The following LMOD1 variants were observed in gnomAD, a reference collection of about 807,000 sequenced individuals.
LMOD1 encodes the protein leiomodin 1.
LMOD1 carries 8 observed loss-of-function variants against 36.5 expected under a neutral mutation model. The ratio of observed to expected loss-of-function variants is 0.22; its 90% CI spans 0.13 to 0.40. The LOEUF (loss-of-function observed/expected upper bound fraction) is 0.40, where lower values mean the gene tolerates loss of function less well. Among genes scored for constraint, LMOD1 ranks in the 10% least tolerant of loss-of-function variants. LMOD1 has a pLI of 1.00. For missense variants in LMOD1, 630 were observed against 751.1 expected (o/e 0.84, Z 1.88); for synonymous variants, 284 against 288.7 (o/e 0.98, Z 0.17).
chr1:201,901,511 A>AATATATATATATATATATATGT (rs1553295627), intron 1 of LMOD1, among the ~76,000 whole-genome samples: 1 of 75,226 alleles, frequency 1.3e-5, no homozygotes, highest in Non-Finnish European at 2.3e-5. Context: ...TCAAAAAAAA[A>AATATATATATATATATATATGT]ATATATATAT....
intron 1 of LMOD1, among the ~76,000 whole-genome samples, chr1:201,901,954 GTTA>G (rs201603952): frequency 4.2e-4 from 42 of 100,542 alleles, no homozygotes; most frequent in Admixed American, 6.4e-4. Context: ...CATTATTATT[GTTA>G]TTATTATTAT....
intron 2 of LMOD1, 95 bp from the exon 3 acceptor site, chr1:201,898,493 A>T (rs138036710): frequency 1.8e-6 from 2 of 1,090,808 alleles, no homozygotes; most frequent in African/African-American, 1.6e-5. Flanking sequence ...GCAATATGTT[A>T]TGTCTGTGGA....
intron 1 of LMOD1, among the ~76,000 whole-genome samples, chr1:201,909,229 G>T (rs1456196641): frequency 6.6e-6 from 1 of 152,128 alleles, no homozygotes; most frequent in African/African-American, 2.4e-5. Flanking sequence ...CAACCCACTT[G>T]TGAGTGTGTG....
At chr1:201,901,623 TG>T (rs1681320894) in intron 1 of LMOD1, among the ~76,000 whole-genome samples, 2 of 9,448 alleles carry the variant, frequency 2.1e-4, no homozygotes, top group African/African-American at 3.9e-4. Context: ...CATATATATG[TG>T]TGTGTGTATA....
intron 1 of LMOD1, among the ~76,000 whole-genome samples, chr1:201,924,812 G>T (rs1352722306): frequency 1.3e-5 from 2 of 152,210 alleles, no homozygotes; most frequent in African/African-American, 4.8e-5. Context: ...ATGAAGCCAG[G>T]AGTTCAAGGC....
At chr1:201,908,605 G>A (rs761229323) in intron 1 of LMOD1, among the ~76,000 whole-genome samples, 2 of 152,040 alleles carry the variant, frequency 1.3e-5, no homozygotes, top group Non-Finnish European at 2.9e-5. Context: ...ATGTTGTGGG[G>A]GTGCTACAGG....
intron 1 of LMOD1, among the ~76,000 whole-genome samples, chr1:201,919,299 G>A (rs886833092): frequency 4.6e-5 from 7 of 151,960 alleles, no homozygotes; most frequent in African/African-American, 1.7e-4. Flanking sequence ...CCGCCTCCTG[G>A]GTTCAAGCAA....
chr1:201,928,231 A>G (rs547146759), intron 1 of LMOD1, among the ~76,000 whole-genome samples: 1 of 152,336 alleles, frequency 6.6e-6, no homozygotes, highest in Admixed American at 6.5e-5. Flanking sequence ...TAGCAGCACA[A>G]AATGGACTAA....
Position 201,942,598 on chromosome 1 carries a change from G to C in LMOD1, c.261+3482C>G, listed in dbSNP as rs192476959. The stretch of plus-strand genomic sequence containing the variant: ...GCACAATAGCCAGAGTATGCATCTT[G>C]GGGCTGTCCTTCTGGGGAAAAGACA... On this transcript the variant is annotated intron_variant, in intron 1 of 2. Coordinates refer to ENST00000367288, the MANE Select transcript of LMOD1 (RefSeq NM_012134.3). 1.4e-4 allele frequency among the ~76,000 whole-genome samples: 22 copies of C among 152,192 alleles called. No individual in the cohort carries two copies. In the East Asian group the frequency reaches 4.2e-3, roughly 29 times the overall value.
At chr1:201,935,388 TC>T (rs1272200913) in intron 1 of LMOD1, among the ~76,000 whole-genome samples, 1 of 114,166 alleles carries the variant, frequency 8.8e-6, no homozygotes, top group Non-Finnish European at 2.0e-5. Context: ...CCCTTGGGGG[TC>T]TACTAAGCAC....
At position 201,913,062 on chromosome 1, in the gene LMOD1, G is replaced by A. The variant is rs1268935253; in HGVS notation, c.262-12311C>T. Reference sequence around the variant, plus strand: ...CTGCCCACCACTGACGTTCCCTAAAGGAATGTAGTAAACAAGGAGAAGCCC... The same window carrying A: ...CTGCCCACCACTGACGTTCCCTAAAAGAATGTAGTAAACAAGGAGAAGCCC... On this transcript the variant is annotated intron_variant, in intron 1 of 2. Transcript: ENST00000367288. 2.0e-5 allele frequency among the ~76,000 whole-genome samples: 3 copies of A among 152,138 alleles called. No individual in the cohort carries two copies. The East Asian group carries it at 5.8e-4, about 29-fold the overall frequency.
At chr1:201,901,247 G>A (rs1442171293) in intron 1 of LMOD1, among the ~76,000 whole-genome samples, 1 of 151,870 alleles carries the variant, frequency 6.6e-6, no homozygotes, top group Non-Finnish European at 1.5e-5. Flanking sequence ...GCTCATGCCT[G>A]TAATCCCAAC....
At chr1:201,942,214 G>A (rs1215158555) in intron 1 of LMOD1, among the ~76,000 whole-genome samples, 1 of 152,200 alleles carries the variant, frequency 6.6e-6, no homozygotes, top group African/African-American at 2.4e-5. Context: ...CTGAAGGCCT[G>A]CTGTGTGCTG....
At chr1:201,931,686 AAT>A (rs769522291) in intron 1 of LMOD1, among the ~76,000 whole-genome samples, 11 of 152,168 alleles carry the variant, frequency 7.2e-5, no homozygotes, top group Non-Finnish European at 1.0e-4. Flanking sequence ...GTCTCCACGA[AAT>A]ATGAGGCTAG....
At chr1:201,919,676 C>A (rs1681668188) in intron 1 of LMOD1, among the ~76,000 whole-genome samples, 1 of 152,216 alleles carries the variant, frequency 6.6e-6, no homozygotes, top group Non-Finnish European at 1.5e-5. Context: ...ATCTGTTAGA[C>A]TAAGCCTGCC....
chr1:201,944,843 C>T (rs565757400), intron 1 of LMOD1, among the ~76,000 whole-genome samples: 67 of 152,100 alleles, frequency 4.4e-4, no homozygotes, highest in Non-Finnish European at 8.5e-4. Context: ...GGGCTGTGTC[C>T]ACCAATATGC....
chr1:201,946,371 C>T lies in LMOD1; in HGVS notation c.-31G>A, dbSNP rs762794426. On this transcript the variant is annotated 5_prime_UTR_variant, in exon 1 of 3. Coordinates refer to ENST00000367288, the MANE Select transcript of LMOD1 (RefSeq NM_012134.3). Reference sequence around the variant, plus strand: ...CAAAATGGGCTGTGGCTGCCAGGGGCTATCAGAGTCCTGGTGGGCAGGGAA... The same window carrying T: ...CAAAATGGGCTGTGGCTGCCAGGGGTTATCAGAGTCCTGGTGGGCAGGGAA... 6.2e-7 allele frequency: 1 copy of T among 1,606,070 alleles called. No homozygotes were observed. Among genetic ancestry groups the T allele is most frequent in the Admixed American group, 1.7e-5 (1 of 59,664 alleles).
At position 201,921,704 on chromosome 1, in the gene LMOD1, T is replaced by G. The variant is rs1484742771; in HGVS notation, c.262-20953A>C. ...GGCCGGATGCAGTGGCTCATGCCTA[T>G]AATCCCAGCACTTTGGGAGGCTGAG... On this transcript the variant is annotated intron_variant, in intron 1 of 2. Transcript: ENST00000367288. 5.3e-5 allele frequency among the ~76,000 whole-genome samples: 8 copies of G among 151,954 alleles called. No homozygotes were observed. In the East Asian group the frequency reaches 1.6e-3, roughly 30 times the overall value.
chr1:201,935,075 C>T (rs1003209430), intron 1 of LMOD1, among the ~76,000 whole-genome samples: 1 of 152,122 alleles, frequency 6.6e-6, no homozygotes, highest in Non-Finnish European at 1.5e-5. Context: ...GAGCCCCAGA[C>T]TTTGAGTAGG....
Sources: gnomAD v4.1 joint callset for allele counts (sites outside exome capture counted in the v4.1 genomes callset) on GRCh38, gnomAD v4.1.1 for gene constraint, MANE v1.5 for transcripts, NCBI Gene and HGNC (gene_info 2026-07-23, HGNC 2026-07-21) for gene names.